PCDHGB6: variants seen among roughly 807,000 people sequenced by gnomAD.
The protein encoded by PCDHGB6 is protocadherin gamma subfamily B, 6.
Under a neutral mutation model 59.1 loss-of-function variants are expected in PCDHGB6, and 51 were observed. That is an observed-to-expected ratio of 0.86 (90% CI 0.69 to 1.09). The LOEUF (loss-of-function observed/expected upper bound fraction) is 1.09, where lower values mean the gene tolerates loss of function less well. Among genes scored for constraint, PCDHGB6 ranks in the 50% least tolerant of loss-of-function variants. The probability of loss-of-function intolerance (pLI) is 0.00; values close to 1 mark genes in which losing one functional copy is unlikely to be tolerated. For missense variants in PCDHGB6, 1,148 were observed against 1,205.1 expected (o/e 0.95, Z 0.70); for synonymous variants, 466 against 495.1 (o/e 0.94, Z 0.78).
chr5:141,415,277 T>A lies in PCDHGB6; in HGVS notation c.2418+4657T>A, dbSNP rs533281226. 42 of 1,614,216 alleles carry A rather than the reference T, an allele frequency of 2.6e-5. No individual in the cohort carries two copies. In the South Asian group the frequency reaches 4.4e-4, roughly 17 times the overall value. On this transcript the variant is annotated intron_variant, in intron 1 of 3. Coordinates refer to ENST00000520790, the MANE Select transcript of PCDHGB6 (RefSeq NM_018926.3). Reference sequence around the variant, plus strand: ...CTCACTCTGTACCTGGTGGTAGCGGTGGCCGCGGTCTCCTGCGTCTTCCTG... The same window carrying A: ...CTCACTCTGTACCTGGTGGTAGCGGAGGCCGCGGTCTCCTGCGTCTTCCTG...
At chr5:141,488,273 C>A (rs1411817846) in intron 1 of PCDHGB6, among the ~76,000 whole-genome samples, 6 of 152,256 alleles carry the variant, frequency 3.9e-5, no homozygotes, top group East Asian at 1.9e-4. Flanking sequence ...TTGGTCATCA[C>A]CTTTGGAAAA....
At chr5:141,413,025 A>G in intron 1 of PCDHGB6, 1 of 740,544 alleles carries the variant, frequency 1.4e-6, no homozygotes, top group Non-Finnish European at 2.1e-6. Context: ...CAAGCCCCAC[A>G]AACCGGCTGC....
At chr5:141,438,591 C>CATATATATATATAT (rs946798767) in intron 1 of PCDHGB6, among the ~76,000 whole-genome samples, 3 of 75,556 alleles carry the variant, frequency 4.0e-5, no homozygotes, top group Non-Finnish European at 8.0e-5. Context: ...TACATACATA[C>CATATATATATATAT]ATATATATAT....
At position 141,457,041 on chromosome 5, in the gene PCDHGB6, A is replaced by T. The variant is rs151212070; in HGVS notation, c.2419-37766A>T. On this transcript the variant is annotated intron_variant, in intron 1 of 3. Transcript: ENST00000520790. ...AAGTCCTAGTAGACTCAGTGATAGT[A>T]AAACTTTCATGCTTCCTTTTTGCCA... 2.3e-4 allele frequency among the ~76,000 whole-genome samples: 35 copies of T among 152,360 alleles called. No individual in the cohort carries two copies. In the East Asian group the frequency reaches 6.4e-3, roughly 28 times the overall value.
At chr5:141,451,597 C>CAAGG (rs1434393705) in intron 1 of PCDHGB6, among the ~76,000 whole-genome samples, 3 of 152,076 alleles carry the variant, frequency 2.0e-5, no homozygotes, top group Non-Finnish European at 2.9e-5. Flanking sequence ...AAGTGACATA[C>CAAGG]AAGGCTAGGC....
intron 1 of PCDHGB6, among the ~76,000 whole-genome samples, chr5:141,445,263 C>T (rs1170484721): frequency 1.3e-5 from 2 of 152,152 alleles, no homozygotes; most frequent in African/African-American, 2.4e-5. Context: ...GAATATAAGT[C>T]GAAACCACTC....
intron 2 of PCDHGB6, among the ~76,000 whole-genome samples, chr5:141,501,223 T>G (rs1247662371): frequency 6.6e-6 from 1 of 151,280 alleles, no homozygotes; most frequent in African/African-American, 2.4e-5. Flanking sequence ...CTTCCTAGAT[T>G]TCTCAGTTTT....
intron 1 of PCDHGB6, chr5:141,478,902 GCTGCTGGATAC>G: frequency 1.0e-6 from 1 of 978,788 alleles, no homozygotes. Context: ...TTAGGAATAA[GCTGCTGGATAC>G]CTCTAACCAG....
At chr5:141,421,825 AG>A in intron 1 of PCDHGB6, 1 of 1,613,802 alleles carries the variant, frequency 6.2e-7, no homozygotes. Flanking sequence ...ACTGGAGGGA[AG>A]CCTGGACCGA....
chr5:141,433,547 C>G (rs2097621028), intron 1 of PCDHGB6, among the ~76,000 whole-genome samples: 1 of 152,086 alleles, frequency 6.6e-6, no homozygotes, highest in South Asian at 2.1e-4. Context: ...ATCAGATATT[C>G]TTTTCTGGCT....
intron 1 of PCDHGB6, among the ~76,000 whole-genome samples, chr5:141,462,650 TC>T (rs1254671361): frequency 7.3e-6 from 1 of 137,262 alleles, no homozygotes; most frequent in African/African-American, 3.0e-5. Context: ...ATTTCCATCC[TC>T]AATTATCTTC....
chr5:141,459,253 ATTAGTGTTGCCTCT>A (rs1439680561), intron 1 of PCDHGB6, among the ~76,000 whole-genome samples: 1 of 152,174 alleles, frequency 6.6e-6, no homozygotes, highest in African/African-American at 2.4e-5. Context: ...GTCACTATAA[ATTAGTGTTGCCTCT>A]TTCAGAATTT....
intron 2 of PCDHGB6, among the ~76,000 whole-genome samples, chr5:141,504,490 TGC>T (rs2099838709): frequency 6.6e-6 from 1 of 152,056 alleles, no homozygotes; most frequent in Non-Finnish European, 1.5e-5. Flanking sequence ...TGGAGGCACC[TGC>T]CCAGTCTGAG....
At chr5:141,472,980 C>CAAAAAAA (rs60579131) in intron 1 of PCDHGB6, among the ~76,000 whole-genome samples, 1 of 86,102 alleles carries the variant, frequency 1.2e-5, no homozygotes, top group South Asian at 4.3e-4. Flanking sequence ...GAGTGAAACT[C>CAAAAAAA]AAAAAAAAAA....
At chr5:141,420,027 C>T in intron 1 of PCDHGB6, 3 of 1,614,082 alleles carry the variant, frequency 1.9e-6, no homozygotes, top group Non-Finnish European at 2.5e-6. Flanking sequence ...AGCCCTACTG[C>T]AGGAGACTGC....
At position 141,420,872 on chromosome 5, in the gene PCDHGB6, G is replaced by A. The variant is rs575322685; in HGVS notation, c.2418+10252G>A. 3.3e-5 allele frequency among the ~76,000 whole-genome samples: 5 copies of A among 152,328 alleles called. No homozygotes were observed. The East Asian group carries it at 7.7e-4, about 24-fold the overall frequency. On this transcript the variant is annotated intron_variant, in intron 1 of 3. Coordinates refer to ENST00000520790, the MANE Select transcript of PCDHGB6 (RefSeq NM_018926.3). ...AAAGTTTTAACGTCACATAATGTAA[G>A]TATTGTGTATCATCGTTTTTAAGCT...
chr5:141,497,473 AGGT>A (rs2099776769), intron 2 of PCDHGB6, among the ~76,000 whole-genome samples: 1 of 151,750 alleles, frequency 6.6e-6, no homozygotes. Flanking sequence ...ATGGAGGAGA[AGGT>A]GCGGAACCTC....
chr5:141,490,423 T>C lies in PCDHGB6; in HGVS notation c.2419-4384T>C. ...CCTTGATATCTCTCCGGACCTGCCATTTCAGATTAAGCCTTCTGAGAACCA... is the reference window on the plus strand; with the variant it reads ...CCTTGATATCTCTCCGGACCTGCCACTTCAGATTAAGCCTTCTGAGAACCA... On this transcript the variant is annotated intron_variant, in intron 1 of 3. Coordinates refer to ENST00000520790, the MANE Select transcript of PCDHGB6 (RefSeq NM_018926.3). This position sits in a 1 kb window ranked among gnomAD's most constrained non-coding sequence, Gnocchi z 5.4. 6.2e-7 allele frequency: 1 copy of C among 1,614,172 alleles called. No individual in the cohort carries two copies. The highest frequency in any genetic ancestry group is 8.5e-7 in the Non-Finnish European group (1 of 1,180,028).
At chr5:141,505,767 AGGTCCTAGCTCT>A (rs2099848180) in intron 3 of PCDHGB6, among the ~76,000 whole-genome samples, 1 of 151,756 alleles carries the variant, frequency 6.6e-6, no homozygotes, top group Non-Finnish European at 1.5e-5. Context: ...AGTGTAGCTC[AGGTCCTAGCTCT>A]GCTACTATCC....
Sources: gnomAD v4.1 joint callset for allele counts (sites outside exome capture counted in the v4.1 genomes callset) on GRCh38, gnomAD v4.1.1 for gene constraint, Gnocchi (gnomAD v3.1) non-coding constraint, MANE v1.5 for transcripts, NCBI Gene and HGNC (gene_info 2026-07-23, HGNC 2026-07-21) for gene names.